RAB37: variants seen among roughly 807,000 people sequenced by gnomAD.
RAB37 encodes ras-related protein Rab-37.
In RAB37, 29 loss-of-function variants were observed where a neutral mutation model predicts 33.1. The ratio of observed to expected loss-of-function variants is 0.88; its 90% CI spans 0.65 to 1.20. The LOEUF is 1.20. RAB37 is among the 50% of genes most tolerant of loss of function. The pLI, the probability that RAB37 is intolerant of heterozygous loss-of-function variation, is 0.00. For synonymous variants in RAB37, 128 were observed against 119.5 expected (o/e 1.07, Z -0.47); for missense variants, 299 against 301.1 (o/e 0.99, Z 0.05).
chr17:74,694,312 G>A (rs958258892), intron 1 of RAB37: 14 of 152,096 alleles, frequency 9.2e-5, no homozygotes, highest in African/African-American at 2.7e-4. Flanking sequence ...CACCAATTTC[G>A]TGGCTCATTA....
At chr17:74,697,232 C>T (rs551815758) in intron 1 of RAB37, among the ~76,000 whole-genome samples, 3 of 152,284 alleles carry the variant, frequency 2.0e-5, no homozygotes, top group South Asian at 4.1e-4. Flanking sequence ...GCATGAGCCA[C>T]GACACCCAGA....
intron 1 of RAB37, among the ~76,000 whole-genome samples, chr17:74,728,949 CTGTG>C (rs905044271): frequency 6.7e-6 from 1 of 150,320 alleles, no homozygotes; most frequent in Non-Finnish European, 1.5e-5. Flanking sequence ...CGTGTGTGTT[CTGTG>C]TGTATGTGTT....
chr17:74,741,357 G>A (rs1004752370), intron 2 of RAB37, among the ~76,000 whole-genome samples: 12 of 152,100 alleles, frequency 7.9e-5, no homozygotes, highest in African/African-American at 2.9e-4. Flanking sequence ...GGAGGCCGAA[G>A]CGGTCAGATC....
chr17:74,693,123 T>C (rs540854193), intron 1 of RAB37, among the ~76,000 whole-genome samples: 1 of 152,292 alleles, frequency 6.6e-6, no homozygotes, highest in South Asian at 2.1e-4. Flanking sequence ...CACTGCCCCC[T>C]AAGTGGCCAA....
intron 1 of RAB37, among the ~76,000 whole-genome samples, chr17:74,710,823 C>T (rs923858691): frequency 2.0e-5 from 3 of 151,608 alleles, no homozygotes; most frequent in Non-Finnish European, 2.9e-5. Context: ...GCCAAGATCG[C>T]GCCACTGCAC....
intron 1 of RAB37, among the ~76,000 whole-genome samples, chr17:74,715,703 T>C (rs1301238688): frequency 6.6e-6 from 1 of 152,058 alleles, no homozygotes; most frequent in Non-Finnish European, 1.5e-5. Flanking sequence ...AGACCTGGCC[T>C]CCCCAAGAAG....
chr17:74,745,155 C>T lies in RAB37; in HGVS notation c.566+71C>T, dbSNP rs1164001713. The T allele has an allele frequency of 1.3e-6, 2 of 1,570,306 alleles. No homozygotes were observed. The highest frequency in any genetic ancestry group is 2.7e-5 in the African/African-American group (2 of 73,998). On this transcript the variant is annotated intron_variant, in intron 8 of 8. Transcript: ENST00000392613. The surrounding 1 kb of genome is among the most constrained non-coding windows in gnomAD (Gnocchi z 4.5). ...ACTCCAGGAATCCAGTAGGGCCCGG[C>T]CCCTGGCCCAGCCCCTGGACACACC...
chr17:74,703,778 G>C (rs936255006), intron 1 of RAB37, among the ~76,000 whole-genome samples: 7 of 152,192 alleles, frequency 4.6e-5, no homozygotes, highest in African/African-American at 1.7e-4. Flanking sequence ...GAGCCATCCT[G>C]CTTATCTTCT....
chr17:74,747,216 C>G lies in RAB37; in HGVS notation c.*1805C>G, dbSNP rs746130191. 6.6e-6 allele frequency: 1 copy of G among 152,212 alleles called. No individual in the cohort carries two copies. The highest frequency in any genetic ancestry group is 1.5e-5 in the Non-Finnish European group (1 of 68,064). 9.4% of individuals were successfully genotyped at this position (152,212 alleles called of 1,614,324 possible). On this transcript the variant is annotated 3_prime_UTR_variant, in exon 9 of 9. Coordinates refer to ENST00000392613, the MANE Select transcript of RAB37 (RefSeq NM_001006638.3). ...TCCCTCAGGCAGAGCAGGGAGGAGG[C>G]TGACATTGCCAGTCTCTTCTGGGGC...
intron 1 of RAB37, among the ~76,000 whole-genome samples, chr17:74,696,586 C>A (rs1035213188): frequency 6.6e-6 from 1 of 152,216 alleles, no homozygotes; most frequent in Admixed American, 6.5e-5. Context: ...CTGATTCATC[C>A]TTCAGGGGTC....
In RAB37 at chr17:74,744,392, G is replaced by A. The variant is rs1567816842; in HGVS notation, c.432+19G>A. ...CAACAAGGTGAGTGGCTCCGGGGCA[G>A]GGTCAGCCCAGCCCTGCACTTCCTC... On this transcript the variant is annotated intron_variant, in intron 6 of 8. Transcript: ENST00000392613. The surrounding 1 kb of genome is among the most constrained non-coding windows in gnomAD (Gnocchi z 4.2). 2.5e-6 allele frequency: 4 copies of A among 1,613,408 alleles called. No homozygotes were observed. The African/African-American group carries it at 5.3e-5, about 22-fold the overall frequency.
Position 74,737,262 on chromosome 17 carries a change from C to T in RAB37, c.-11C>T. On this transcript the variant is annotated 5_prime_UTR_variant, in exon 1 of 9. Transcript: ENST00000392613. Reference sequence around the variant, plus strand: ...CTGCGGGCCGGCACTGCTCACCTCTCGTCCAGGGACATGACGGGCACGCCA... The same window carrying T: ...CTGCGGGCCGGCACTGCTCACCTCTTGTCCAGGGACATGACGGGCACGCCA... 6.4e-7 allele frequency: 1 copy of T among 1,556,856 alleles called. No homozygotes were observed. Among genetic ancestry groups the T allele is most frequent in the Non-Finnish European group, 8.6e-7 (1 of 1,157,520 alleles).
Position 74,745,033 on chromosome 17 carries a change from C to A in RAB37, c.515C>A (p.Thr172Asn), listed in dbSNP as rs1328925117. 6.2e-7 allele frequency: 1 copy of A among 1,614,246 alleles called. No homozygotes were observed. Among genetic ancestry groups the A allele is most frequent in the South Asian group, 1.1e-5 (1 of 91,092 alleles). ...AREYGVPFLE[T>N]SAKTGMNVEL... ...GAGTACGGTGTTCCCTTCCTGGAGA[C>A]CAGCGCCAAGACTGGCATGAATGTG... Residue 172 changes from threonine to asparagine, a missense_variant, in exon 8 of 9, where the codon ACC (threonine) becomes AAC (asparagine). Physicochemically the swap from Thr to Asn is moderately conservative, Grantham distance 65. Coordinates refer to ENST00000392613, the MANE Select transcript of RAB37 (RefSeq NM_001006638.3). This position sits in a 1 kb window ranked among gnomAD's most constrained non-coding sequence, Gnocchi z 4.5.
intron 1 of RAB37, among the ~76,000 whole-genome samples, chr17:74,739,957 GAC>G (rs2034571148): frequency 6.6e-6 from 1 of 151,174 alleles, no homozygotes; most frequent in Non-Finnish European, 1.5e-5. Flanking sequence ...GGGAGTTCAA[GAC>G]CAGCCTGGCC....
intron 1 of RAB37, among the ~76,000 whole-genome samples, chr17:74,672,480 T>C (rs1405280883): frequency 2.0e-5 from 3 of 152,178 alleles, no homozygotes; most frequent in African/African-American, 7.2e-5. Flanking sequence ...CGTGATCCTA[T>C]AGGTGGAGTT....
intron 1 of RAB37, among the ~76,000 whole-genome samples, chr17:74,673,835 A>G (rs1270617410): frequency 6.6e-6 from 1 of 152,204 alleles, no homozygotes; most frequent in Non-Finnish European, 1.5e-5. Flanking sequence ...GCAGAGTGAC[A>G]TATGTATGTA....
At chr17:74,737,174 C>T, upstream of RAB37, 1 of 1,498,770 alleles carries the variant, frequency 6.7e-7, no homozygotes, top group South Asian at 1.2e-5. Context: ...CTGAGGGGTC[C>T]CGGTCGAGGG....
At chr17:74,698,680 G>C in intron 1 of RAB37, 1 of 1,353,298 alleles carries the variant, frequency 7.4e-7, no homozygotes, top group Non-Finnish European at 9.7e-7. Flanking sequence ...GAAGGGAATG[G>C]AACAAGAGAC....
Position 74,745,031 on chromosome 17 carries a change from G to A in RAB37, c.513G>A (p.Glu171=). 3 of 1,614,256 alleles carry A rather than the reference G, an allele frequency of 1.9e-6. No homozygotes were observed. The highest frequency in any genetic ancestry group is 2.5e-6 in the Non-Finnish European group (3 of 1,180,048). The change falls in exon 8 of 9, where the codon GAG becomes GAA. Residue 171 remains glutamate (E), a synonymous_variant. Transcript: ENST00000392613. This position sits in a 1 kb window ranked among gnomAD's most constrained non-coding sequence, Gnocchi z 4.5. ...LAREYGVPFL[E]TSAKTGMNVE... ...AGGAGTACGGTGTTCCCTTCCTGGA[G>A]ACCAGCGCCAAGACTGGCATGAATG...
Sources: allele counts gnomAD v4.1 joint callset (sites outside exome capture counted in the v4.1 genomes callset), GRCh38; gene constraint gnomAD v4.1.1; non-coding constraint Gnocchi (gnomAD v3.1); transcripts MANE v1.5; gene names NCBI Gene and HGNC (gene_info 2026-07-23, HGNC 2026-07-21).